OLFM2: variants seen among roughly 807,000 people sequenced by gnomAD.
OLFM2 encodes noelin-2.
OLFM2 carries 20 observed loss-of-function variants against 43.9 expected under a neutral mutation model. The observed-to-expected ratio is 0.46, with a 90% confidence interval of 0.32 to 0.66. OLFM2 has a LOEUF of 0.66. Ranked by LOEUF, OLFM2 falls within the 30% of genes least tolerant of loss-of-function variation. OLFM2 has a pLI of 0.04. For missense variants in OLFM2, 416 were observed against 643.6 expected (o/e 0.65, Z 3.83); for synonymous variants, 268 against 278.6 (o/e 0.96, Z 0.38).
chr19:9,868,930 TATCTC>T, intron 1 of OLFM2, among the ~76,000 whole-genome samples: 1 of 150,020 alleles, frequency 6.7e-6, no homozygotes, highest in East Asian at 2.0e-4. Flanking sequence ...AGTGAGACCC[TATCTC>T]AAAAGAAAAA....
At position 9,857,627 on chromosome 19, in the gene OLFM2, T is replaced by C; in HGVS notation, c.360+88A>G. The C allele has an allele frequency of 6.3e-7, 1 of 1,595,414 alleles. No homozygotes were observed. The highest frequency in any genetic ancestry group is 8.6e-7 in the Non-Finnish European group (1 of 1,164,488). ...GTGGCTCATATTGGACCCTAGATTC[T>C]TCCCAGACATGACTCCATTGTAGGA... On this transcript the variant is annotated intron_variant, in intron 3 of 5. Transcript: ENST00000264833. This position sits in a 1 kb window ranked among gnomAD's most constrained non-coding sequence, Gnocchi z 5.7.
chr19:9,857,850 G>A lies in OLFM2; in HGVS notation c.225C>T (p.Val75=), dbSNP rs922536198. ...ACTCAAGGACCTCCATGGACTGGGA[G>A]ACGTTCTGGACCTAGGAATGGGGAC... is the stretch of plus-strand genomic sequence containing the variant. ...LRQLMEKVQN[V]SQSMEVLELR... Residue 75 remains valine, a synonymous_variant, in exon 3 of 6, where the codon GTC becomes GTT. Coordinates refer to ENST00000264833, the MANE Select transcript of OLFM2 (RefSeq NM_058164.4). The surrounding 1 kb of genome is among the most constrained non-coding windows in gnomAD (Gnocchi z 5.7). 2 of 1,614,048 alleles carry A rather than the reference G, an allele frequency of 1.2e-6. No homozygotes were observed. Among genetic ancestry groups the A allele is most frequent in the Non-Finnish European group, 1.7e-6 (2 of 1,180,030 alleles).
At chr19:9,908,432 G>A (rs1408715855) in intron 1 of OLFM2, among the ~76,000 whole-genome samples, 5 of 148,272 alleles carry the variant, frequency 3.4e-5, no homozygotes, top group Non-Finnish European at 4.4e-5. Flanking sequence ...TAAGTAGCTG[G>A]GATTACAGGT....
chr19:9,870,080 T>G (rs1038506181), intron 1 of OLFM2, among the ~76,000 whole-genome samples: 7 of 152,036 alleles, frequency 4.6e-5, no homozygotes, highest in Admixed American at 3.9e-4. Context: ...ATTTTTTTTT[T>G]GTAGAGGTGG....
At chr19:9,879,086 T>C (rs763295173) in intron 1 of OLFM2, among the ~76,000 whole-genome samples, 3 of 152,064 alleles carry the variant, frequency 2.0e-5, no homozygotes, top group Non-Finnish European at 4.4e-5. Flanking sequence ...TGGGGCTAGG[T>C]TTCCCCTTGC....
chr19:9,897,320 T>C (rs1479247688), intron 1 of OLFM2, among the ~76,000 whole-genome samples: 1 of 136,236 alleles, frequency 7.3e-6, no homozygotes, highest in Non-Finnish European at 1.6e-5. Flanking sequence ...AGAGTGAGAC[T>C]TCGTCTCAAA....
intron 1 of OLFM2, among the ~76,000 whole-genome samples, chr19:9,889,724 CGT>C (rs1483119247): frequency 1.3e-5 from 2 of 152,030 alleles, no homozygotes; most frequent in Non-Finnish European, 2.9e-5. Flanking sequence ...GGTATGAATG[CGT>C]GTGTGTGCGC....
At chr19:9,909,743 C>T (rs2046813837) in intron 1 of OLFM2, among the ~76,000 whole-genome samples, 1 of 152,170 alleles carries the variant, frequency 6.6e-6, no homozygotes, top group Non-Finnish European at 1.5e-5. Flanking sequence ...CTACTGTGTG[C>T]CTGGTCACTT....
intron 1 of OLFM2, among the ~76,000 whole-genome samples, chr19:9,932,515 A>C (rs2086489016): frequency 6.6e-6 from 1 of 151,962 alleles, no homozygotes; most frequent in African/African-American, 2.4e-5. Context: ...GTAAGCACTC[A>C]GAGAGTGGCA....
At chr19:9,901,416 ACT>A (rs1274140644) in intron 1 of OLFM2, among the ~76,000 whole-genome samples, 1 of 151,310 alleles carries the variant, frequency 6.6e-6, no homozygotes, top group Non-Finnish European at 1.5e-5. Context: ...ACAGAGTGAG[ACT>A]CTGTCTCAAA....
At chr19:9,911,575 TAC>T (rs1169503363) in intron 1 of OLFM2, among the ~76,000 whole-genome samples, 1 of 152,108 alleles carries the variant, frequency 6.6e-6, no homozygotes, top group African/African-American at 2.4e-5. Context: ...CTTTCATAAA[TAC>T]ACACTTGCAG....
intron 1 of OLFM2, among the ~76,000 whole-genome samples, chr19:9,895,003 C>T (rs2046671003): frequency 6.6e-6 from 1 of 152,108 alleles, no homozygotes; most frequent in Admixed American, 6.6e-5. Flanking sequence ...TAGTTCTTAT[C>T]CAACATTCCT....
intron 2 of OLFM2, among the ~76,000 whole-genome samples, chr19:9,860,217 C>T (rs1318550383): frequency 6.6e-6 from 1 of 151,782 alleles, no homozygotes; most frequent in African/African-American, 2.4e-5. Flanking sequence ...GTGGCTCACA[C>T]CTGTAATCCC....
chr19:9,873,112 C>T (rs1055821949), intron 1 of OLFM2, among the ~76,000 whole-genome samples: 5 of 152,154 alleles, frequency 3.3e-5, no homozygotes, highest in Non-Finnish European at 7.3e-5. Flanking sequence ...GATTTGGATG[C>T]CAGCCTATCA....
chr19:9,896,119 C>T (rs7256078), intron 1 of OLFM2, among the ~76,000 whole-genome samples: 54,764 of 120,880 alleles, frequency 0.45, 11,937 homozygotes, highest in Admixed American at 0.6. Flanking sequence ...TTTTTTGAGA[C>T]GGAGTCTTGC....
At chr19:9,897,876 C>A (rs1321300933) in intron 1 of OLFM2, among the ~76,000 whole-genome samples, 1 of 151,888 alleles carries the variant, frequency 6.6e-6, no homozygotes, top group East Asian at 1.9e-4. Context: ...TGTCTGATGT[C>A]TGTTCTGCCT....
At chr19:9,892,279 G>C (rs1476622880) in intron 1 of OLFM2, among the ~76,000 whole-genome samples, 3 of 152,066 alleles carry the variant, frequency 2.0e-5, no homozygotes, top group Admixed American at 2.0e-4. Flanking sequence ...TATGGAGTGG[G>C]GGCATCACTC....
At position 9,936,352 on chromosome 19, in the gene OLFM2, C is replaced by G. The variant is rs578079152; in HGVS notation, c.15G>C (p.Thr5=). The G allele has an allele frequency of 2.3e-5, 35 of 1,500,626 alleles. No homozygotes were observed. Among genetic ancestry groups the G allele is most frequent in the Non-Finnish European group, 3.0e-5 (34 of 1,131,948 alleles). 93.0% of individuals were successfully genotyped at this position (1,500,626 alleles called of 1,614,324 possible). Residue 5 remains threonine, a synonymous_variant, in exon 1 of 6, where the codon ACG becomes ACC. Coordinates refer to ENST00000264833, the MANE Select transcript of OLFM2 (RefSeq NM_058164.4). ...GCAGCAGCAGCAGCGGCGGCGGGAC[C>G]GTGAGCGGCCACATGACGCGCCCCT... MWPL[T]VPPPLLLLLC...
At chr19:9,873,433 C>T (rs2046459612) in intron 1 of OLFM2, among the ~76,000 whole-genome samples, 1 of 152,048 alleles carries the variant, frequency 6.6e-6, no homozygotes, top group Non-Finnish European at 1.5e-5. Flanking sequence ...TGTTTACAGG[C>T]GTGAGCCATC....
Sources: allele counts gnomAD v4.1 joint callset (sites outside exome capture counted in the v4.1 genomes callset), GRCh38; gene constraint gnomAD v4.1.1; non-coding constraint Gnocchi (gnomAD v3.1); transcripts MANE v1.5; gene names NCBI Gene and HGNC (gene_info 2026-07-23, HGNC 2026-07-21).